Variants in ARHGEF40 observed in about 807,000 individuals in gnomAD.
ARHGEF40 encodes Rho guanine nucleotide exchange factor (GEF) 40.
A neutral mutation model predicts 165.9 loss-of-function variants in ARHGEF40; 98 were observed. The ratio of observed to expected loss-of-function variants is 0.59; its 90% CI spans 0.50 to 0.70. The LOEUF is 0.70. ARHGEF40 is among the 30% of genes least tolerant of loss of function. The pLI, the probability that ARHGEF40 is intolerant of heterozygous loss-of-function variation, is 0.00. For missense variants in ARHGEF40, 1,815 were observed against 1,968.0 expected (o/e 0.92, Z 1.47); for synonymous variants, 792 against 814.3 (o/e 0.97, Z 0.47).
In ARHGEF40 at chr14:21,082,404, C is replaced by A. The variant is rs759147946; in HGVS notation, c.3412C>A (p.Arg1138=). The change falls in exon 15 of 24, where the codon CGG becomes AGG. Residue 1138 remains arginine (R), a synonymous_variant. Coordinates refer to ENST00000298694, the MANE Select transcript of ARHGEF40 (RefSeq NM_018071.5). ...CCGGGAAAGGCTTCGCAGCTTCCAC[C>A]GGACACACTTTCTGCGGGAGCTTCA... The part of the protein sequence containing the change: ...SARERLRSFH[R]THFLRELQGC... 1 of 1,611,424 alleles carries A rather than the reference C, an allele frequency of 6.2e-7. No individual in the cohort carries two copies. The highest frequency in any genetic ancestry group is 8.5e-7 in the Non-Finnish European group (1 of 1,179,244).
chr14:21,074,853 A>G lies in ARHGEF40; in HGVS notation c.1123A>G (p.Thr375Ala). ...AGGACCACCTGGTACCCCTCGGAGA[A>G]CAGGCAAAGGAAACAGAAGAAAGAA... Reference protein sequence around the residue: ...AEGPPGTPRRTGKGNRRKKRA... With the variant: ...AEGPPGTPRRAGKGNRRKKRA... Residue 375 changes from threonine to alanine, a missense_variant, in exon 3 of 24, where the codon ACA (threonine) becomes GCA (alanine). Physicochemically the swap from Thr to Ala is moderately conservative, Grantham distance 58 (BLOSUM62 0). Transcript: ENST00000298694. The surrounding 1 kb of genome is among the most constrained non-coding windows in gnomAD (Gnocchi z 4.8). 1 of 1,610,476 alleles carries G rather than the reference A, an allele frequency of 6.2e-7. No individual in the cohort carries two copies. The highest frequency in any genetic ancestry group is 8.5e-7 in the Non-Finnish European group (1 of 1,178,558).
At position 21,074,766 on chromosome 14, in the gene ARHGEF40, G is replaced by A. The variant is rs566211084; in HGVS notation, c.1036G>A (p.Gly346Arg). Residue 346 changes from glycine to arginine, a missense_variant, in exon 3 of 24, where the codon GGA (glycine) becomes AGA (arginine). By Grantham distance (125) the Gly-to-Arg change is moderately radical (BLOSUM62 -2). Transcript: ENST00000298694. The surrounding 1 kb of genome is among the most constrained non-coding windows in gnomAD (Gnocchi z 4.8). The stretch of plus-strand genomic sequence containing the variant: ...AGCAGAGGCTGTGGGAGAAGCCTCC[G>A]GATCTTGCCCCCTGAGGCCAGGGGA... ...PPAEAVGEAS[G>R]SCPLRPGELR... The A allele has an allele frequency of 1.1e-5, 18 of 1,610,014 alleles. No individual in the cohort carries two copies. Among genetic ancestry groups the A allele is most frequent in the Admixed American group, 3.4e-5 (2 of 59,590 alleles).
upstream of ARHGEF40, among the ~76,000 whole-genome samples, chr14:21,069,300 C>G (rs1886484483): frequency 6.6e-6 from 1 of 152,152 alleles, no homozygotes; most frequent in African/African-American, 2.4e-5. Context: ...TCGTAACTAG[C>G]CCACCCTGCT....
chr14:21,074,099 T>C lies in ARHGEF40; in HGVS notation c.369T>C (p.Cys123=), dbSNP rs1434403198. ...AAQAPRLALK[C]LAPGGGRVQE... Reference sequence around the variant, plus strand: ...AAGCACCCCGACTAGCACTCAAGTGTCTGGCCCCTGGGGGTGGGCGGGTGC... The same window carrying C: ...AAGCACCCCGACTAGCACTCAAGTGCCTGGCCCCTGGGGGTGGGCGGGTGC... Residue 123 remains cysteine (C), a synonymous_variant, in exon 3 of 24, where the codon TGT becomes TGC. Coordinates refer to ENST00000298694, the MANE Select transcript of ARHGEF40 (RefSeq NM_018071.5). This position sits in a 1 kb window ranked among gnomAD's most constrained non-coding sequence, Gnocchi z 4.8. 6.2e-7 allele frequency: 1 copy of C among 1,614,110 alleles called. No homozygotes were observed. The highest frequency in any genetic ancestry group is 1.1e-5 in the South Asian group (1 of 91,084).
Position 21,075,307 on chromosome 14 carries a change from C to T in ARHGEF40, c.1451-25C>T, listed in dbSNP as rs2139219247. On this transcript the variant is annotated intron_variant, in intron 3 of 23. Transcript: ENST00000298694. The surrounding 1 kb of genome is among the most constrained non-coding windows in gnomAD (Gnocchi z 4.5). ...ACCAGAACCATCTTAACTTCAGTCC[C>T]ATGTTTCTGTCTGTGTCTGTGCAGG... 2 of 1,612,798 alleles carry T rather than the reference C, an allele frequency of 1.2e-6. No individual in the cohort carries two copies. The highest frequency in any genetic ancestry group is 2.2e-5 in the East Asian group (1 of 44,868).
rs551757303 is a variant in ARHGEF40, at chr14:21,089,418, C to T, written c.*410C>T. Reference sequence around the variant, plus strand: ...GGTCAACTGGAGTCCCTGGTGACTCCATTCTGAGGTGTCACAAGCAATGAA... The same window carrying T: ...GGTCAACTGGAGTCCCTGGTGACTCTATTCTGAGGTGTCACAAGCAATGAA... On this transcript the variant is annotated 3_prime_UTR_variant, in exon 24 of 24. Transcript: ENST00000298694. 1 of 153,336 alleles carries T rather than the reference C, an allele frequency of 6.5e-6. No homozygotes were observed. Among genetic ancestry groups the T allele is most frequent in the South Asian group, 2.1e-4 (1 of 4,852 alleles). The allele number at this position is 153,336 out of a possible 1,614,324, so 9.5% of individuals were successfully genotyped here.
rs150014151 is a variant in ARHGEF40, at chr14:21,085,152, G to A, written c.3960+229G>A. 4.6e-3 allele frequency among the ~76,000 whole-genome samples: 699 copies of A among 152,252 alleles called. 9 individuals carry two copies. The highest frequency in any genetic ancestry group is 0.016 in the African/African-American group (659 of 41,550). On this transcript the variant is annotated intron_variant, in intron 18 of 23. Coordinates refer to ENST00000298694, the MANE Select transcript of ARHGEF40 (RefSeq NM_018071.5). ...ATCATTCATGCAGAACACTTAGGAGGCATTCCAAACCAGACTAGAAGAGGG... is the reference window on the plus strand; with the variant it reads ...ATCATTCATGCAGAACACTTAGGAGACATTCCAAACCAGACTAGAAGAGGG...
At position 21,073,091 on chromosome 14, in the gene ARHGEF40, T is replaced by C; in HGVS notation, c.50T>C (p.Leu17Pro). ...TGTGTGCAGAGCACTCTCGCCGCCC[T>C]GTATCCACCCTTTGAGGCAACAGCC... ...EDCVQSTLAA[L>P]YPPFEATAPT... Residue 17 changes from leucine (L) to proline (P), a missense_variant, in exon 2 of 24, where the codon CTG becomes CCG. Physicochemically the swap from Leu to Pro is moderately conservative, Grantham distance 98. Transcript: ENST00000298694. The surrounding 1 kb of genome is among the most constrained non-coding windows in gnomAD (Gnocchi z 4.6). 1 of 1,614,128 alleles carries C rather than the reference T, an allele frequency of 6.2e-7. No individual in the cohort carries two copies. Among genetic ancestry groups the C allele is most frequent in the Non-Finnish European group, 8.5e-7 (1 of 1,180,004 alleles).
At chr14:21,085,630 T>G in intron 18 of ARHGEF40, 59 bp from the exon 19 acceptor site, 2 of 1,567,820 alleles carry the variant, frequency 1.3e-6, no homozygotes, top group Non-Finnish European at 1.7e-6. Context: ...GCTTGCCATG[T>G]GGCGCCACCC....
Position 21,084,948 on chromosome 14 carries a change from G to A in ARHGEF40, c.3960+25G>A, listed in dbSNP as rs775864105. 4 of 1,604,314 alleles carry A rather than the reference G, an allele frequency of 2.5e-6. No homozygotes were observed. The South Asian group carries it at 4.5e-5, about 18-fold the overall frequency. On this transcript the variant is annotated intron_variant, in intron 18 of 23. Transcript: ENST00000298694. ...GGTACGATTCCTGGAGTGAGTGGTGGAGGTGACAGGAAGTCATTCTCTTCT... is the reference window on the plus strand; with the variant it reads ...GGTACGATTCCTGGAGTGAGTGGTGAAGGTGACAGGAAGTCATTCTCTTCT...
At chr14:21,078,097 G>C (rs911327334) in intron 8 of ARHGEF40, 80 bp from the exon 9 acceptor site, 4 of 1,307,762 alleles carry the variant, frequency 3.1e-6, no homozygotes, top group Admixed American at 2.8e-5. Context: ...AAGTCTCTGG[G>C]GCTACCGCAC....
intron 23 of ARHGEF40, 51 bp downstream of exon 23, chr14:21,088,927 C>A: frequency 6.4e-7 from 1 of 1,567,226 alleles, no homozygotes. Context: ...TACCATCTTG[C>A]ATGTACCTTC....
upstream of ARHGEF40, among the ~76,000 whole-genome samples, chr14:21,066,146 C>T (rs114256380): frequency 6.5e-3 from 985 of 152,214 alleles, 12 homozygotes; most frequent in African/African-American, 0.023. Flanking sequence ...GAAAGAAGTC[C>T]ACTGTGGCTG....
upstream of ARHGEF40, among the ~76,000 whole-genome samples, chr14:21,065,796 G>C (rs1031901397): frequency 6.6e-6 from 1 of 152,326 alleles, no homozygotes; most frequent in South Asian, 2.1e-4. Context: ...AGTAAGGCAT[G>C]TTTAAAGAAC....
Position 21,070,769 on chromosome 14 carries a change from C to A in ARHGEF40, c.3+370C>A, listed in dbSNP as rs1886718753. 6.6e-7 allele frequency: 1 copy of A among 1,521,948 alleles called. No homozygotes were observed. The highest frequency in any genetic ancestry group is 1.7e-4 in the Middle Eastern group (1 of 5,946). The allele number at this position is 1,521,948 out of a possible 1,614,324, so 94.3% of individuals were successfully genotyped here. A position where few individuals can be genotyped will look rare whatever the true frequency, so the allele number is the denominator to read the frequency against. ...GCTCCTTACCCGCGGGAGACCCCTG[C>A]GGGTTGGTCCTGCAGCGACCCTGGA... On this transcript the variant is annotated intron_variant, in intron 1 of 23. Transcript: ENST00000298694. The surrounding 1 kb of genome is among the most constrained non-coding windows in gnomAD (Gnocchi z 4.7).
intron 16 of ARHGEF40, 69 bp downstream of exon 16, chr14:21,082,986 ATCCCTCAGGGC>A: frequency 7.1e-7 from 1 of 1,405,170 alleles, no homozygotes; most frequent in African/African-American, 1.4e-5. Flanking sequence ...CACCCAACAA[ATCCCTCAGGGC>A]AAAAAACTGG....
At chr14:21,086,970 G>C (rs948849492) in intron 19 of ARHGEF40, 31 bp from the exon 20 acceptor site, 5 of 1,540,064 alleles carry the variant, frequency 3.2e-6, no homozygotes, top group Non-Finnish European at 4.4e-6. Flanking sequence ...AGGGCAGGAA[G>C]AAGTTGGTAA....
rs143561266 is a variant in ARHGEF40, at chr14:21,077,279, ATTT to A, written c.2034+407_2034+409del. ...GCCACCACACCCACCTAGTTTTTGT[ATTT>A]TTTTTTTTTTTTTTTTTGTAGAGAC... On this transcript the variant is annotated intron_variant, in intron 8 of 23. Coordinates refer to ENST00000298694, the MANE Select transcript of ARHGEF40 (RefSeq NM_018071.5). 2.2e-4 allele frequency among the ~76,000 whole-genome samples: 24 copies of A among 108,492 alleles called. 1 individual carries two copies. The highest frequency in any genetic ancestry group is 0.01 in the Middle Eastern group (2 of 198). The allele number at this position is 108,492 out of a possible 152,430, so 71.2% of individuals were successfully genotyped here.
rs1412684016 is a variant in ARHGEF40 at position 21,082,385 on chromosome 14, A to G, written c.3393A>G (p.Glu1131=). 5.0e-6 allele frequency: 8 copies of G among 1,611,780 alleles called. No homozygotes were observed. The highest frequency in any genetic ancestry group is 8.5e-7 in the Non-Finnish European group (1 of 1,179,500). The change falls in exon 15 of 24, where the codon GAA becomes GAG. Residue 1131 remains glutamate (E), a synonymous_variant. Transcript: ENST00000298694. ...GGGCTGCTGCCCTGAGTGCCCGGGA[A>G]AGGCTTCGCAGCTTCCACCGGACAC... is the stretch of plus-strand genomic sequence containing the variant. ...GTWAAALSAR[E]RLRSFHRTHF...
Sources: gnomAD v4.1 joint callset for allele counts (sites outside exome capture counted in the v4.1 genomes callset) on GRCh38, gnomAD v4.1.1 for gene constraint, Gnocchi (gnomAD v3.1) non-coding constraint, MANE v1.5 for transcripts, NCBI Gene and HGNC (gene_info 2026-07-23, HGNC 2026-07-21) for gene names.